The following EGFLAM variants were observed in gnomAD, a reference collection of about 807,000 sequenced individuals.
The protein encoded by EGFLAM is pikachurin.
A neutral mutation model predicts 113.1 loss-of-function variants in EGFLAM; 79 were observed. The ratio of observed to expected loss-of-function variants is 0.70; its 90% CI spans 0.58 to 0.84. The LOEUF is 0.84. EGFLAM is among the 40% of genes least tolerant of loss of function. The probability of loss-of-function intolerance (pLI) is 0.00; values close to 1 mark genes in which losing one functional copy is unlikely to be tolerated. For missense variants in EGFLAM, 1,265 were observed against 1,291.6 expected (o/e 0.98, Z 0.32); for synonymous variants, 504 against 487.6 (o/e 1.03, Z -0.44).
chr5:38,267,639 T>C (rs1475011123), intron 1 of EGFLAM, among the ~76,000 whole-genome samples: 1 of 152,200 alleles, frequency 6.6e-6, no homozygotes, highest in East Asian at 1.9e-4. Flanking sequence ...TAGTTAACAC[T>C]TGAAGTAATC....
At chr5:38,361,077 G>T (rs568795376) in intron 5 of EGFLAM, among the ~76,000 whole-genome samples, 27 of 151,140 alleles carry the variant, frequency 1.8e-4, no homozygotes, top group African/African-American at 5.6e-4. Context: ...TGTTAGCCAG[G>T]CTGGTCTTGA....
chr5:38,384,393 C>T (rs988759507), intron 6 of EGFLAM, among the ~76,000 whole-genome samples: 10 of 152,128 alleles, frequency 6.6e-5, no homozygotes, highest in Non-Finnish European at 1.0e-4. Flanking sequence ...CACTTACATG[C>T]GTGGTTACAC....
At chr5:38,283,347 C>CTTATGA (rs1326886198) in intron 1 of EGFLAM, among the ~76,000 whole-genome samples, 1 of 152,096 alleles carries the variant, frequency 6.6e-6, no homozygotes, top group Non-Finnish European at 1.5e-5. Flanking sequence ...GTCTTCATTG[C>CTTATGA]TTATGATTAT....
intron 17 of EGFLAM, 36 bp from the exon 18 acceptor site, chr5:38,448,265 C>A (rs747239456): frequency 1.2e-6 from 2 of 1,611,702 alleles, no homozygotes; most frequent in African/African-American, 2.7e-5. Flanking sequence ...AAGAGAACCA[C>A]ATACTATGTA....
Position 38,406,115 on chromosome 5 carries a change from TC to T in EGFLAM, c.713-10del, listed in dbSNP as rs747449383. ...GTGCTGATGAAGGGTGTGCTGCTTT[TC>T]TTTGTGAAGGCCCTGAGGAGGCGGG... is the stretch of plus-strand genomic sequence containing the variant. On this transcript the variant is annotated splice_polypyrimidine_tract_variant and intron_variant, in intron 6 of 21. Transcript: ENST00000322350. The T allele has an allele frequency of 3.1e-6, 5 of 1,611,956 alleles. No individual in the cohort carries two copies. Among genetic ancestry groups the T allele is most frequent in the Non-Finnish European group, 4.2e-6 (5 of 1,178,108 alleles).
At chr5:38,285,869 C>A (rs1426545051) in intron 1 of EGFLAM, 1 of 152,120 alleles carries the variant, frequency 6.6e-6, no homozygotes, top group Non-Finnish European at 1.5e-5. Flanking sequence ...GGCACCTGCC[C>A]CCATGATTCA....
At chr5:38,327,969 T>A (rs1051846398) in intron 1 of EGFLAM, among the ~76,000 whole-genome samples, 1 of 152,228 alleles carries the variant, frequency 6.6e-6, no homozygotes, top group Non-Finnish European at 1.5e-5. Context: ...AATATTTAGA[T>A]TGCTTATAGT....
At chr5:38,372,190 T>A (rs1400766718) in intron 6 of EGFLAM, among the ~76,000 whole-genome samples, 2 of 151,996 alleles carry the variant, frequency 1.3e-5, no homozygotes, top group Non-Finnish European at 2.9e-5. Context: ...TCACCCAGGT[T>A]GGAGTGCAAT....
intron 6 of EGFLAM, among the ~76,000 whole-genome samples, chr5:38,393,953 G>A (rs576840529): frequency 6.6e-6 from 1 of 152,284 alleles, no homozygotes; most frequent in Admixed American, 6.5e-5. Flanking sequence ...TTCATTGAGC[G>A]GTGGGTGGCT....
intron 16 of EGFLAM, among the ~76,000 whole-genome samples, chr5:38,436,236 C>T (rs1001562998): frequency 2.0e-5 from 3 of 152,190 alleles, no homozygotes; most frequent in Non-Finnish European, 2.9e-5. Context: ...CCACCAAACA[C>T]TGGGAGAACA....
At chr5:38,261,838 T>A (rs1757508100) in intron 1 of EGFLAM, among the ~76,000 whole-genome samples, 1 of 152,184 alleles carries the variant, frequency 6.6e-6, no homozygotes, top group African/African-American at 2.4e-5. Flanking sequence ...GGGGTGATGA[T>A]GAACCACTTG....
intron 1 of EGFLAM, among the ~76,000 whole-genome samples, chr5:38,333,824 T>G (rs1190737798): frequency 2.6e-5 from 4 of 152,044 alleles, no homozygotes; most frequent in African/African-American, 4.8e-5. Flanking sequence ...ATTTGTCAAT[T>G]TTTGCTTTTG....
At chr5:38,378,020 T>C (rs1478799405) in intron 6 of EGFLAM, among the ~76,000 whole-genome samples, 1 of 152,190 alleles carries the variant, frequency 6.6e-6, no homozygotes, top group East Asian at 1.9e-4. Context: ...CATAGAGAAG[T>C]ATGAGAGATG....
At chr5:38,294,827 CT>C in intron 1 of EGFLAM, among the ~76,000 whole-genome samples, 1 of 151,738 alleles carries the variant, frequency 6.6e-6, no homozygotes, top group East Asian at 1.9e-4. Flanking sequence ...GCAACTCATT[CT>C]TTTTTTTGGT....
chr5:38,330,639 G>T (rs185602046), intron 1 of EGFLAM, among the ~76,000 whole-genome samples: 86 of 152,306 alleles, frequency 5.6e-4, no homozygotes, highest in African/African-American at 1.8e-3. Context: ...AGGGATACAA[G>T]AACTGGTTCC....
At chr5:38,321,182 G>A (rs988725303) in intron 1 of EGFLAM, among the ~76,000 whole-genome samples, 1 of 152,160 alleles carries the variant, frequency 6.6e-6, no homozygotes, top group Non-Finnish European at 1.5e-5. Flanking sequence ...GGGGTGATGG[G>A]AGAAAGTGAC....
At chr5:38,357,183 G>A (rs1276812100) in intron 5 of EGFLAM, among the ~76,000 whole-genome samples, 1 of 152,148 alleles carries the variant, frequency 6.6e-6, no homozygotes, top group Non-Finnish European at 1.5e-5. Flanking sequence ...TTGAGCTTGG[G>A]AGATCAAGGC....
chr5:38,263,943 G>A (rs1757567164), intron 1 of EGFLAM, among the ~76,000 whole-genome samples: 1 of 152,116 alleles, frequency 6.6e-6, no homozygotes, highest in Non-Finnish European at 1.5e-5. Flanking sequence ...TAGCTCTCAA[G>A]CTACAGTGGC....
chr5:38,425,148 G>A (rs2112184916), intron 13 of EGFLAM, 56 bp downstream of exon 13: 2 of 1,583,826 alleles, frequency 1.3e-6, no homozygotes, highest in East Asian at 2.3e-5. Context: ...TTGTGTAGAT[G>A]TACTTTATCA....
Sources: allele counts gnomAD v4.1 joint callset (sites outside exome capture counted in the v4.1 genomes callset), GRCh38; gene constraint gnomAD v4.1.1; transcripts MANE v1.5; gene names NCBI Gene and HGNC (gene_info 2026-07-23, HGNC 2026-07-21).